CSMD1: variants seen among roughly 807,000 people sequenced by gnomAD.
CSMD1 encodes the protein CUB and sushi domain-containing protein 1.
A neutral mutation model predicts 417.5 loss-of-function variants in CSMD1; 213 were observed. That is an observed-to-expected ratio of 0.51 (90% CI 0.46 to 0.57). The LOEUF is 0.57. Among genes scored for constraint, CSMD1 ranks in the 20% least tolerant of loss-of-function variants. The probability of loss-of-function intolerance (pLI) is 0.00; values close to 1 mark genes in which losing one functional copy is unlikely to be tolerated. For missense variants in CSMD1, 6,923 were observed against 4,529.7 expected, an observed-to-expected ratio of 1.53 and a Z score of -15.17; for synonymous variants, 2,862 against 1,736.8, an observed-to-expected ratio of 1.65 and a Z score of -16.11.
At chr8:4,295,997 A>C in intron 3 of CSMD1, among the ~76,000 whole-genome samples, 1 of 151,832 alleles carries the variant, frequency 6.6e-6, no homozygotes, top group East Asian at 1.9e-4. Context: ...CAAAAACCTA[A>C]AGACTTTATC....
At chr8:4,761,843 CT>C (rs1563318765) in intron 1 of CSMD1, among the ~76,000 whole-genome samples, 1,892 of 69,178 alleles carry the variant, frequency 0.027, 29 homozygotes, top group African/African-American at 0.047. Context: ...ATGCATCTAT[CT>C]ATCTATCTAT....
chr8:3,551,729 C>T (rs1306980304), intron 10 of CSMD1, among the ~76,000 whole-genome samples: 1 of 151,754 alleles, frequency 6.6e-6, no homozygotes, highest in Admixed American at 6.6e-5. Context: ...TGTAGTCTGT[C>T]ATATCACTTG....
intron 2 of CSMD1, among the ~76,000 whole-genome samples, chr8:4,465,415 AG>A (rs1394677691): frequency 6.6e-6 from 1 of 152,130 alleles, no homozygotes; most frequent in Non-Finnish European, 1.5e-5. Flanking sequence ...ATGCTGAAGG[AG>A]CCTTGTACGT....
At chr8:4,649,644 T>G (rs933957242) in intron 1 of CSMD1, among the ~76,000 whole-genome samples, 1 of 152,220 alleles carries the variant, frequency 6.6e-6, no homozygotes, top group African/African-American at 2.4e-5. Flanking sequence ...TTTTAAGAAC[T>G]CTTCTACTCC....
intron 5 of CSMD1, among the ~76,000 whole-genome samples, chr8:3,909,806 C>G (rs950758450): frequency 1.3e-5 from 2 of 152,114 alleles, no homozygotes; most frequent in Non-Finnish European, 2.9e-5. Context: ...ATTCTCATCA[C>G]AATTTTGCAT....
intron 2 of CSMD1, among the ~76,000 whole-genome samples, chr8:4,424,815 C>T (rs969597677): frequency 9.9e-5 from 15 of 151,932 alleles, no homozygotes; most frequent in African/African-American, 3.4e-4. Flanking sequence ...ATAGTTTTGC[C>T]GGTGGTTTCC....
chr8:3,996,733 T>C (rs142954834), intron 5 of CSMD1, among the ~76,000 whole-genome samples: 1 of 150,384 alleles, frequency 6.6e-6, no homozygotes, highest in African/African-American at 2.4e-5. Context: ...AGGTAGAATT[T>C]GTTTGGTTTC....
intron 2 of CSMD1, among the ~76,000 whole-genome samples, chr8:4,547,464 C>G (rs1365235763): frequency 6.6e-6 from 1 of 152,190 alleles, no homozygotes; most frequent in African/African-American, 2.4e-5. Flanking sequence ...AAGAAACTTT[C>G]ATTATATGCA....
intron 2 of CSMD1, among the ~76,000 whole-genome samples, chr8:4,434,727 T>A (rs187457692): frequency 6.6e-6 from 1 of 152,204 alleles, no homozygotes; most frequent in Non-Finnish European, 1.5e-5. Flanking sequence ...ACAGTGCTCA[T>A]CCGGTGATTT....
intron 2 of CSMD1, among the ~76,000 whole-genome samples, chr8:4,427,743 A>G (rs1008271073): frequency 5.3e-5 from 8 of 152,166 alleles, no homozygotes; most frequent in African/African-American, 1.9e-4. Context: ...ATTAATATAA[A>G]GTATATAAAT....
At chr8:4,383,884 A>T (rs567019425) in intron 3 of CSMD1, among the ~76,000 whole-genome samples, 2 of 152,234 alleles carry the variant, frequency 1.3e-5, no homozygotes, top group African/African-American at 2.4e-5. Context: ...AATATCTTAA[A>T]ATATATTTTA....
intron 1 of CSMD1, among the ~76,000 whole-genome samples, chr8:4,710,966 G>A (rs1358242321): frequency 6.6e-6 from 1 of 152,098 alleles, no homozygotes; most frequent in Non-Finnish European, 1.5e-5. Context: ...AAATGATGGT[G>A]CTCTTGGATG....
chr8:3,315,705 C>T (rs1805706062), intron 23 of CSMD1, among the ~76,000 whole-genome samples: 1 of 152,054 alleles, frequency 6.6e-6, no homozygotes, highest in Non-Finnish European at 1.5e-5. Flanking sequence ...ATGTAAACTT[C>T]TGAACTTAAG....
intron 17 of CSMD1, among the ~76,000 whole-genome samples, chr8:3,391,129 T>G (rs2116829620): frequency 6.6e-6 from 1 of 151,926 alleles, no homozygotes; most frequent in Admixed American, 6.6e-5. Context: ...TCCCGACCAC[T>G]CTCCTTTCCT....
intron 2 of CSMD1, among the ~76,000 whole-genome samples, chr8:4,458,442 A>G (rs911061780): frequency 2.6e-5 from 4 of 152,228 alleles, no homozygotes; most frequent in Non-Finnish European, 5.9e-5. Context: ...TTTCTAAAAC[A>G]GTCTGAAGTT....
chr8:3,940,857 T>C (rs1478364279), intron 5 of CSMD1, among the ~76,000 whole-genome samples: 2 of 146,272 alleles, frequency 1.4e-5, no homozygotes, highest in East Asian at 4.0e-4. Context: ...TAAAAACTAA[T>C]CATACGCTTC....
At chr8:3,523,774 T>G (rs373094053) in intron 10 of CSMD1, among the ~76,000 whole-genome samples, 1 of 117,306 alleles carries the variant, frequency 8.5e-6, no homozygotes, top group Non-Finnish European at 1.8e-5. Context: ...TGCACACACA[T>G]GCACACCCAG....
chr8:4,576,153 C>T (rs1166947971), intron 2 of CSMD1, among the ~76,000 whole-genome samples: 2 of 152,238 alleles, frequency 1.3e-5, no homozygotes, highest in Admixed American at 1.3e-4. Flanking sequence ...AGAAAGTATG[C>T]AGGACTGTCG....
chr8:3,993,139 A>G (rs968839052), intron 5 of CSMD1, among the ~76,000 whole-genome samples: 2 of 152,224 alleles, frequency 1.3e-5, no homozygotes, highest in African/African-American at 4.8e-5. Flanking sequence ...GGTGCCAATA[A>G]TTACACTATG....
Sources: allele counts gnomAD v4.1 joint callset (sites outside exome capture counted in the v4.1 genomes callset), GRCh38; gene constraint gnomAD v4.1.1; transcripts MANE v1.5; gene names NCBI Gene and HGNC (gene_info 2026-07-23, HGNC 2026-07-21).